The following MED22 variants were observed in gnomAD, a reference collection of about 807,000 sequenced individuals.
The protein encoded by MED22 is mediator of RNA polymerase II transcription subunit 22.
Under a neutral mutation model 22.7 loss-of-function variants are expected in MED22, and 22 were observed. The ratio of observed to expected loss-of-function variants is 0.97; its 90% CI spans 0.69 to 1.38. The LOEUF (loss-of-function observed/expected upper bound fraction) is 1.38. Among genes scored for constraint, MED22 ranks in the 40% most tolerant of loss-of-function variants. MED22 has a pLI of 0.00. For synonymous variants in MED22, 134 were observed against 119.4 expected (o/e 1.12, Z -0.80); for missense variants, 247 against 263.0 (o/e 0.94, Z 0.42).
intron 3 of MED22, among the ~76,000 whole-genome samples, chr9:133,344,683 A>AT (rs1007132943): frequency 1.6e-4 from 25 of 152,240 alleles, no homozygotes; most frequent in Admixed American, 5.2e-4. Context: ...TAGGATTAAC[A>AT]TGGCTGCCAG....
At position 133,339,699 on chromosome 9, in the gene MED22, G is replaced by T; in HGVS notation, c.*1806C>A. 3.3e-6 allele frequency: 1 copy of T among 305,406 alleles called. No homozygotes were observed. The highest frequency in any genetic ancestry group is 6.2e-6 in the Non-Finnish European group (1 of 160,806). 18.9% of individuals were successfully genotyped at this position (305,406 alleles called of 1,614,324 possible). On this transcript the variant is annotated 3_prime_UTR_variant, in exon 5 of 5. Transcript: ENST00000343730. ...AAAATAAAAAGCTTGGGATAAAAGA[G>T]TTACATGGACTGAGAATGGGCCGGG...
chr9:133,348,052 C>A lies in MED22; in HGVS notation c.-169G>T. ...TGGCCCTCCCGCCGCAGTCTCTCTT[C>A]CCCGCCGCGCCGCGGTCCGAAAACC... is the stretch of plus-strand genomic sequence containing the variant. On this transcript the variant is annotated 5_prime_UTR_variant, in exon 1 of 5. Transcript: ENST00000343730. 1 of 765,740 alleles carries A rather than the reference C, an allele frequency of 1.3e-6. No homozygotes were observed. The highest frequency in any genetic ancestry group is 2.2e-6 in the Non-Finnish European group (1 of 456,082). 47.4% of individuals were successfully genotyped at this position (765,740 alleles called of 1,614,324 possible).
In MED22 at chr9:133,338,986, C is replaced by T; in HGVS notation, c.*2519G>A. 1.3e-6 allele frequency: 1 copy of T among 778,634 alleles called. No homozygotes were observed. The highest frequency in any genetic ancestry group is 2.2e-6 in the Non-Finnish European group (1 of 453,346). The allele number at this position is 778,634 out of a possible 1,614,324, so 48.2% of individuals were successfully genotyped here. On this transcript the variant is annotated 3_prime_UTR_variant, in exon 5 of 5. Transcript: ENST00000343730. ...GAACCGCCACCTTCCAGTAATTCGC[C>T]AAAATGACGAACACAAAGGGAAAGA...
At chr9:133,344,093 G>A (rs2129959220) in intron 4 of MED22, 32 bp downstream of exon 4, 12 of 1,610,382 alleles carry the variant, frequency 7.5e-6, no homozygotes, top group Admixed American at 3.3e-5. Context: ...GCAGGCTCCC[G>A]CTCTGCATGG....
chr9:133,345,279 A>C (rs1396564024), intron 2 of MED22, 27 bp from the exon 3 acceptor site: 3 of 1,611,294 alleles, frequency 1.9e-6, no homozygotes, highest in Non-Finnish European at 2.5e-6. Context: ...AAACCTAGAA[A>C]TCAACCCAGC....
intron 4 of MED22, chr9:133,342,345 T>C (rs1448142387): frequency 1.0e-6 from 1 of 985,902 alleles, no homozygotes; most frequent in East Asian, 1.1e-4. Flanking sequence ...CTCGCCTCTT[T>C]CTAACCTGCA....
chr9:133,343,677 T>G (rs1836081542), intron 4 of MED22: 1 of 1,258,736 alleles, frequency 7.9e-7, no homozygotes, highest in African/African-American at 1.5e-5. Flanking sequence ...CACATGGAAT[T>G]GCATCCCTGG....
chr9:133,343,699 T>C (rs1270240001), intron 4 of MED22: 4 of 1,273,658 alleles, frequency 3.1e-6, no homozygotes, highest in East Asian at 2.8e-5. Context: ...GCCCTGGACA[T>C]AGGTGTGGAC....
chr9:133,343,236 A>G (rs1836066114), intron 4 of MED22: 2 of 1,191,396 alleles, frequency 1.7e-6, no homozygotes, highest in African/African-American at 1.6e-5. Flanking sequence ...AGTATTTTAA[A>G]TCCACCACCA....
intron 4 of MED22, chr9:133,342,388 C>T (rs1048520103): frequency 3.8e-5 from 37 of 985,996 alleles, no homozygotes; most frequent in African/African-American, 1.0e-4. Context: ...CGGCCTGCCT[C>T]GCCCCTGGCT....
intron 4 of MED22, 130 bp downstream of exon 4, chr9:133,343,995 C>G (rs2129958830): frequency 1.4e-5 from 21 of 1,499,232 alleles, no homozygotes; most frequent in Non-Finnish European, 1.9e-5. Flanking sequence ...GAGCTCTGCT[C>G]TGAAACCCAG....
At position 133,344,240 on chromosome 9, in the gene MED22, G is replaced by A. The variant is rs1311347443; in HGVS notation, c.298C>T (p.Gln100Ter). 6.2e-7 allele frequency: 1 copy of A among 1,614,190 alleles called. No homozygotes were observed. The highest frequency in any genetic ancestry group is 1.7e-5 in the Admixed American group (1 of 60,012). The change falls in exon 4 of 5, where the codon CAG (glutamine) becomes TAG (stop). Residue 100 changes from glutamine to a stop codon, truncating the protein, a stop_gained. Transcript: ENST00000343730. LOFTEE classifies it high-confidence loss of function. ...DFPSVNEAID[Q>*]RNQQLRTLQE... ...AGTGTGCGCAGCTGCTGGTTGCGCT[G>A]GTCAATGGCCTCGTTCACGGAGGGG... is the stretch of plus-strand genomic sequence containing the variant.
At position 133,339,192 on chromosome 9, in the gene MED22, C is replaced by G. The variant is rs1835954313; in HGVS notation, c.*2313G>C. On this transcript the variant is annotated 3_prime_UTR_variant, in exon 5 of 5. Transcript: ENST00000343730. The stretch of plus-strand genomic sequence containing the variant: ...TAGACTGGGAGAGTCTACAGTGTTC[C>G]CCAGCATGCTGTTGGCACTGTTGTA... 2.9e-6 allele frequency: 2 copies of G among 692,144 alleles called. No homozygotes were observed. Among genetic ancestry groups the G allele is most frequent in the African/African-American group, 3.5e-5 (2 of 56,970 alleles). The allele number at this position is 692,144 out of a possible 1,614,324, so 42.9% of individuals were successfully genotyped here.
intron 2 of MED22, 103 bp from the exon 3 acceptor site, chr9:133,345,355 C>T: frequency 9.4e-7 from 1 of 1,067,080 alleles, no homozygotes; most frequent in Admixed American, 2.0e-5. Context: ...CCCAGGATGT[C>T]CACACTGGCC....
intron 4 of MED22, chr9:133,342,020 C>T: frequency 8.9e-7 from 1 of 1,128,562 alleles, no homozygotes; most frequent in Non-Finnish European, 1.1e-6. Context: ...GGTGCTGGTC[C>T]CCCTCCTCTT....
At position 133,346,591 on chromosome 9, in the gene MED22, G is replaced by A. The variant is rs2129968958; in HGVS notation, c.72C>T (p.Asp24=). ...LLQSYNKRLK[D]DIKSIMDNFT... Reference sequence around the variant, plus strand: ...AGTTGTCCATGATGGACTTAATGTCGTCCTTCAGCCGCTTGTTGTAGGACT... The same window carrying A: ...AGTTGTCCATGATGGACTTAATGTCATCCTTCAGCCGCTTGTTGTAGGACT... Residue 24 remains aspartate, a synonymous_variant, in exon 2 of 5, where the codon GAC becomes GAT. Coordinates refer to ENST00000343730, the MANE Select transcript of MED22 (RefSeq NM_133640.5). 9.9e-6 allele frequency: 16 copies of A among 1,612,768 alleles called. No individual in the cohort carries two copies. The highest frequency in any genetic ancestry group is 2.2e-5 in the East Asian group (1 of 44,844).
At chr9:133,343,474 A>G in intron 4 of MED22, 1 of 1,231,122 alleles carries the variant, frequency 8.1e-7, no homozygotes, top group Non-Finnish European at 1.0e-6. Flanking sequence ...GGTCAGGATG[A>G]TGGGTTTTGA....
At position 133,339,332 on chromosome 9, in the gene MED22, G is replaced by T. The variant is rs1588676483; in HGVS notation, c.*2173C>A. On this transcript the variant is annotated 3_prime_UTR_variant, in exon 5 of 5. Coordinates refer to ENST00000343730, the MANE Select transcript of MED22 (RefSeq NM_133640.5). ...GCGTGAAGGAAAATGATCAGAAAAA[G>T]AGGGAAGCCAAAGAGAAAGGTACCT... is the stretch of plus-strand genomic sequence containing the variant. 29 of 656,982 alleles carry T rather than the reference G, an allele frequency of 4.4e-5. 1 individual carries two copies. The East Asian group carries it at 7.9e-4, about 18-fold the overall frequency. 40.7% of individuals were successfully genotyped at this position (656,982 alleles called of 1,614,324 possible). A position where few individuals can be genotyped will look rare whatever the true frequency, so the allele number is the denominator to read the frequency against.
At chr9:133,346,752 C>T in intron 1 of MED22, 52 bp from the exon 2 acceptor site, 1 of 1,480,870 alleles carries the variant, frequency 6.8e-7, no homozygotes, top group South Asian at 1.2e-5. Context: ...CCCAGCCACC[C>T]TCTATGCCCC....
Sources: allele counts gnomAD v4.1 joint callset (sites outside exome capture counted in the v4.1 genomes callset), GRCh38; gene constraint gnomAD v4.1.1; transcripts MANE v1.5; gene names NCBI Gene and HGNC (gene_info 2026-07-23, HGNC 2026-07-21).